The following USP24 variants were observed in gnomAD, a reference collection of about 807,000 sequenced individuals.
The protein encoded by USP24 is ubiquitin carboxyl-terminal hydrolase 24.
A neutral mutation model predicts 361.6 loss-of-function variants in USP24; 97 were observed. The ratio of observed to expected loss-of-function variants is 0.27; its 90% CI spans 0.23 to 0.32. The LOEUF is 0.32. USP24 is among the 10% of genes least tolerant of loss of function. The pLI, the probability that USP24 is intolerant of heterozygous loss-of-function variation, is 1.00. For missense variants in USP24, 2,353 were observed against 3,165.6 expected (o/e 0.74, Z 6.16); for synonymous variants, 1,098 against 1,124.6 (o/e 0.98, Z 0.47).
intron 62 of USP24, 117 bp from the exon 63 acceptor site, chr1:55,075,640 A>G (rs1335285358): frequency 2.1e-6 from 1 of 479,292 alleles, no homozygotes; most frequent in Non-Finnish European, 3.5e-6. Context: ...CAACAACAAC[A>G]ACAACAACAA....
intron 7 of USP24, among the ~76,000 whole-genome samples, chr1:55,164,005 G>A (rs565382976): frequency 7.9e-5 from 12 of 151,972 alleles, no homozygotes; most frequent in Middle Eastern, 3.4e-3. Context: ...ATAGTTGCAC[G>A]TACATGAAGA....
intron 7 of USP24, among the ~76,000 whole-genome samples, chr1:55,165,034 G>A (rs190146662): frequency 6.6e-6 from 1 of 152,066 alleles, no homozygotes; most frequent in Non-Finnish European, 1.5e-5. Context: ...AACACTGGGT[G>A]GCAAGAAAGA....
Position 55,086,253 on chromosome 1 carries a change from T to A in USP24, c.6669-215A>T, listed in dbSNP as rs1378166115. 3.6e-5 allele frequency: 21 copies of A among 582,896 alleles called. No individual in the cohort carries two copies. The East Asian group carries it at 5.9e-4, about 16-fold the overall frequency. The allele number at this position is 582,896 out of a possible 1,614,324, so 36.1% of individuals were successfully genotyped here. A position where few individuals can be genotyped will look rare whatever the true frequency, so the allele number is the denominator to read the frequency against. ...ATACCAGCCAAGGCTCTGTTCAAAA[T>A]TCACTAAGACTCTATGTGGCAACTA... On this transcript the variant is annotated intron_variant, in intron 55 of 67. Coordinates refer to ENST00000294383, the MANE Select transcript of USP24 (RefSeq NM_015306.3).
At chr1:55,125,804 TTTTTCATTTTAAA>T in intron 32 of USP24, 46 bp from the exon 33 acceptor site, 1 of 1,471,568 alleles carries the variant, frequency 6.8e-7, no homozygotes, top group Non-Finnish European at 9.2e-7. Flanking sequence ...ACTTCTATTT[TTTTTCATTTTAAA>T]TTTTCCATAA....
chr1:55,166,791 G>GT (rs1648914242), intron 5 of USP24, among the ~76,000 whole-genome samples, 188 bp from the exon 6 acceptor site: 1 of 152,108 alleles, frequency 6.6e-6, no homozygotes, highest in Non-Finnish European at 1.5e-5. Context: ...TTGGGAGTCT[G>GT]TAAGTCTGTA....
chr1:55,189,447 T>C (rs1008342167), intron 1 of USP24, among the ~76,000 whole-genome samples: 3 of 152,162 alleles, frequency 2.0e-5, no homozygotes, highest in African/African-American at 7.2e-5. Context: ...ACTCCAAAAA[T>C]ATACTAAGTG....
intron 19 of USP24, 123 bp from the exon 20 acceptor site, chr1:55,146,232 C>A: frequency 1.7e-6 from 1 of 572,258 alleles, no homozygotes; most frequent in Non-Finnish European, 2.9e-6. Context: ...AAATACCACT[C>A]AAAGCTAAAA....
chr1:55,108,968 C>T lies in USP24; in HGVS notation c.4570+1217G>A, dbSNP rs1420013025. Among the ~76,000 whole-genome samples the T allele has an allele frequency of 2.0e-5, 3 of 152,212 alleles. No individual in the cohort carries two copies. In the East Asian group the frequency reaches 5.8e-4, roughly 29 times the overall value. On this transcript the variant is annotated intron_variant, in intron 39 of 67. Coordinates refer to ENST00000294383, the MANE Select transcript of USP24 (RefSeq NM_015306.3). The stretch of plus-strand genomic sequence containing the variant: ...CCACGAGACCAATTCCACTGCATTG[C>T]TCAGAGCAATGTGGCCTGTTTTTAT...
chr1:55,096,452 G>T (rs580485), intron 50 of USP24, 46 bp downstream of exon 50: 1,190,559 of 1,407,622 alleles, frequency 0.85, 504,380 homozygotes, highest in East Asian at 0.99. Context: ...TATAGAAAAC[G>T]ATAAATAAAA....
rs373439536 is a variant in USP24, at chr1:55,097,087, C to T, written c.5801G>A (p.Arg1934Gln). 57 of 1,613,832 alleles carry T rather than the reference C, an allele frequency of 3.5e-5. No individual in the cohort carries two copies. Among genetic ancestry groups the T allele is most frequent in the African/African-American group, 2.7e-5 (2 of 74,904 alleles). The change falls in exon 49 of 68, where the codon CGA becomes CAA. Residue 1934 changes from arginine to glutamine, a missense_variant. Physicochemically the swap from Arg to Gln is conservative, Grantham distance 43 (BLOSUM62 1). This residue lies in a region of USP24 where 598 missense variants were observed against 761.9 expected (regional missense o/e 0.78). Coordinates refer to ENST00000294383, the MANE Select transcript of USP24 (RefSeq NM_015306.3). ...TCCTCCACCGCCCTGATCCACACTT[C>T]GCCCATTTTCCCCAACTTCAGAAGA... Reference protein sequence around the residue: ...DSSSEVGENGRSVDQGGGGSP... With the variant: ...DSSSEVGENGQSVDQGGGGSP...
At chr1:55,102,005 T>C (rs1275869263) in intron 42 of USP24, among the ~76,000 whole-genome samples, 1 of 152,174 alleles carries the variant, frequency 6.6e-6, no homozygotes, top group Non-Finnish European at 1.5e-5. Flanking sequence ...TACCCTTCTA[T>C]CTGCCAGGCA....
intron 1 of USP24, among the ~76,000 whole-genome samples, chr1:55,186,143 T>C (rs763301380): frequency 1.1e-4 from 16 of 152,188 alleles, no homozygotes; most frequent in Non-Finnish European, 2.4e-4. Flanking sequence ...CATCAATCCT[T>C]CAGTCTTCCA....
At chr1:55,214,673 C>T (rs534793463) in intron 1 of USP24, 117 bp downstream of exon 1, 4 of 889,220 alleles carry the variant, frequency 4.5e-6, no homozygotes, top group Non-Finnish European at 5.7e-6. Context: ...GCCCCGCCCC[C>T]ACTAAAGCCC....
chr1:55,174,163 C>T (rs567848171), intron 3 of USP24, among the ~76,000 whole-genome samples: 2 of 152,292 alleles, frequency 1.3e-5, no homozygotes, highest in South Asian at 4.1e-4. Flanking sequence ...CTCCTTTGTG[C>T]ACCTTATTTA....
intron 1 of USP24, among the ~76,000 whole-genome samples, chr1:55,187,388 A>T (rs1452275563): frequency 6.6e-6 from 1 of 152,252 alleles, no homozygotes; most frequent in Non-Finnish European, 1.5e-5. Context: ...CAGGAATGAG[A>T]CAAAGATGTC....
chr1:55,096,811 G>A (rs777326279), intron 49 of USP24, 141 bp downstream of exon 49: 5 of 1,326,150 alleles, frequency 3.8e-6, no homozygotes, highest in Non-Finnish European at 5.1e-6. Context: ...AAAACCAGTT[G>A]CACGAAGCTT....
intron 1 of USP24, among the ~76,000 whole-genome samples, chr1:55,194,539 C>CT (rs1173582213): frequency 6.6e-6 from 1 of 151,974 alleles, no homozygotes; most frequent in African/African-American, 2.4e-5. Context: ...AGGGCTGAGG[C>CT]TGCAGTGAGC....
intron 59 of USP24, among the ~76,000 whole-genome samples, chr1:55,079,926 ACACT>A (rs1645115271): frequency 6.6e-6 from 1 of 152,070 alleles, no homozygotes; most frequent in African/African-American, 2.4e-5. Context: ...ACTCGCACAC[ACACT>A]GAGTACTCAC....
At chr1:55,138,891 T>C (rs1038144250) in intron 25 of USP24, 53 bp downstream of exon 25, 105 of 1,564,670 alleles carry the variant, frequency 6.7e-5, no homozygotes, top group Non-Finnish European at 8.7e-5. Context: ...GGTGGGAAGA[T>C]CGCTTGAGTC....
Sources: gnomAD v4.1 joint callset for allele counts (sites outside exome capture counted in the v4.1 genomes callset) on GRCh38, gnomAD v4.1.1 for gene constraint, gnomAD v4.1.1 regional missense constraint, MANE v1.5 for transcripts, NCBI Gene and HGNC (gene_info 2026-07-23, HGNC 2026-07-21) for gene names.